The following DYNC1I1 variants were observed in gnomAD, a reference collection of about 807,000 sequenced individuals.
The protein encoded by DYNC1I1 is dynein cytoplasmic 1 intermediate chain 1.
Under a neutral mutation model 86.6 loss-of-function variants are expected in DYNC1I1, and 43 were observed. The observed-to-expected ratio is 0.50, with a 90% CI of 0.39 to 0.64. DYNC1I1 has a LOEUF of 0.64. DYNC1I1 is among the 30% of genes least tolerant of loss of function. DYNC1I1 has a pLI of 0.00. For synonymous variants in DYNC1I1, 262 were observed against 283.7 expected (o/e 0.92, Z 0.77); for missense variants, 604 against 788.8 (o/e 0.77, Z 2.81).
chr7:96,060,758 A>G (rs1026079079), intron 14 of DYNC1I1, among the ~76,000 whole-genome samples: 1 of 152,194 alleles, frequency 6.6e-6, no homozygotes, highest in Non-Finnish European at 1.5e-5. Flanking sequence ...ATCTCTGTAT[A>G]CTTTCTATTT....
intron 6 of DYNC1I1, among the ~76,000 whole-genome samples, chr7:95,925,606 C>T (rs899869270): frequency 4.6e-5 from 7 of 152,194 alleles, no homozygotes; most frequent in South Asian, 4.1e-4. Context: ...GTGGCATAAA[C>T]GCTGTAACAT....
intron 6 of DYNC1I1, among the ~76,000 whole-genome samples, chr7:95,943,029 T>C: frequency 4.6e-5 from 5 of 109,628 alleles, no homozygotes; most frequent in East Asian, 3.4e-4. Flanking sequence ...CCAGGGCAAT[T>C]AGGCAGGAGA....
intron 1 of DYNC1I1, among the ~76,000 whole-genome samples, chr7:95,791,945 C>T (rs913856308): frequency 6.6e-6 from 1 of 152,168 alleles, no homozygotes; most frequent in Non-Finnish European, 1.5e-5. Flanking sequence ...AAAAATTTCT[C>T]TGATTTTCGT....
At chr7:95,953,412 AAGAAAG>A (rs1357419414) in intron 6 of DYNC1I1, among the ~76,000 whole-genome samples, 2 of 151,818 alleles carry the variant, frequency 1.3e-5, no homozygotes, top group Admixed American at 1.3e-4. Context: ...GAAGGAAAGA[AAGAAAG>A]AGAGAGAGAG....
At chr7:95,804,863 TG>T in intron 2 of DYNC1I1, 26 bp downstream of exon 2, 3 of 1,535,748 alleles carry the variant, frequency 2.0e-6, no homozygotes, top group Non-Finnish European at 1.8e-6. Flanking sequence ...TGGGGTGTTG[TG>T]GGGGAAAAAG....
At chr7:95,936,167 G>A (rs183713746) in intron 6 of DYNC1I1, among the ~76,000 whole-genome samples, 1 of 152,070 alleles carries the variant, frequency 6.6e-6, no homozygotes, top group East Asian at 1.9e-4. Context: ...TTATAGAGAA[G>A]TAGTTACTGA....
chr7:96,014,290 T>C (rs1157221577), intron 10 of DYNC1I1, among the ~76,000 whole-genome samples: 2 of 152,184 alleles, frequency 1.3e-5, no homozygotes, highest in East Asian at 3.9e-4. Flanking sequence ...GTGACACAGC[T>C]ATAGAAAGAG....
chr7:96,009,348 G>A (rs1794218216), intron 10 of DYNC1I1, among the ~76,000 whole-genome samples: 1 of 152,160 alleles, frequency 6.6e-6, no homozygotes, highest in South Asian at 2.1e-4. Context: ...TAGCATCTGA[G>A]GGCTGGCCTC....
chr7:96,072,427 GT>G (rs564115670), intron 14 of DYNC1I1, among the ~76,000 whole-genome samples: 6 of 151,542 alleles, frequency 4.0e-5, no homozygotes, highest in South Asian at 2.1e-4. Flanking sequence ...AGGTGAAGGG[GT>G]TTTTTTTTCT....
At chr7:95,847,130 C>T (rs763042858) in intron 5 of DYNC1I1, among the ~76,000 whole-genome samples, 10 of 152,158 alleles carry the variant, frequency 6.6e-5, no homozygotes, top group Admixed American at 3.9e-4. Flanking sequence ...TGGTGTGAAC[C>T]TTTGAAATAA....
At chr7:95,780,266 C>A (rs958399835) in intron 1 of DYNC1I1, among the ~76,000 whole-genome samples, 2 of 151,690 alleles carry the variant, frequency 1.3e-5, no homozygotes, top group African/African-American at 4.8e-5. Context: ...TTAATCACTT[C>A]CCCCACTTTT....
intron 3 of DYNC1I1, among the ~76,000 whole-genome samples, chr7:95,811,916 C>T (rs1177875030): frequency 6.6e-6 from 1 of 152,164 alleles, no homozygotes; most frequent in Non-Finnish European, 1.5e-5. Flanking sequence ...ATGTCCTAGT[C>T]TCCCCTACCC....
chr7:95,830,546 C>G (rs1013881764), intron 5 of DYNC1I1, among the ~76,000 whole-genome samples: 1 of 152,142 alleles, frequency 6.6e-6, no homozygotes, highest in Non-Finnish European at 1.5e-5. Context: ...ATAAACAGCT[C>G]TATCCTTTTT....
intron 14 of DYNC1I1, among the ~76,000 whole-genome samples, chr7:96,062,249 A>T (rs1264074672): frequency 2.6e-5 from 4 of 152,208 alleles, no homozygotes; most frequent in Non-Finnish European, 4.4e-5. Context: ...TTAAGGATTT[A>T]TCATGATTTG....
At chr7:95,941,171 C>A (rs1006784243) in intron 6 of DYNC1I1, among the ~76,000 whole-genome samples, 1 of 151,942 alleles carries the variant, frequency 6.6e-6, no homozygotes, top group Non-Finnish European at 1.5e-5. Context: ...TTTGTCTCAG[C>A]GGAGTACCCG....
intron 6 of DYNC1I1, among the ~76,000 whole-genome samples, chr7:95,924,409 AT>A (rs1219090783): frequency 6.6e-6 from 1 of 152,166 alleles, no homozygotes; most frequent in Non-Finnish European, 1.5e-5. Flanking sequence ...TATGTCAATA[AT>A]TTTTATATCG....
At chr7:95,797,491 A>G (rs972060483) in intron 1 of DYNC1I1, among the ~76,000 whole-genome samples, 1 of 152,222 alleles carries the variant, frequency 6.6e-6, no homozygotes, top group Non-Finnish European at 1.5e-5. Flanking sequence ...CAGATATAAT[A>G]TAATGTGTCA....
At chr7:96,020,907 A>T (rs1794532214) in intron 10 of DYNC1I1, among the ~76,000 whole-genome samples, 1 of 152,198 alleles carries the variant, frequency 6.6e-6, no homozygotes, top group African/African-American at 2.4e-5. Context: ...GATAAATATT[A>T]TATGATAATA....
intron 1 of DYNC1I1, among the ~76,000 whole-genome samples, chr7:95,799,298 G>A (rs971009347): frequency 6.6e-6 from 1 of 152,164 alleles, no homozygotes; most frequent in African/African-American, 2.4e-5. Flanking sequence ...AGAGTCGCTT[G>A]AACCCAGGAG....
Sources: gnomAD v4.1 joint callset for allele counts (sites outside exome capture counted in the v4.1 genomes callset) on GRCh38, gnomAD v4.1.1 for gene constraint, MANE v1.5 for transcripts, NCBI Gene and HGNC (gene_info 2026-07-23, HGNC 2026-07-21) for gene names.